CRACDL: variants seen among roughly 807,000 people sequenced by gnomAD.
CRACDL encodes the protein CRACD-like protein.
A neutral mutation model predicts 70.6 loss-of-function variants in CRACDL; 26 were observed. The observed-to-expected ratio is 0.37, with a 90% CI of 0.27 to 0.51. The LOEUF is 0.51. Among genes scored for constraint, CRACDL ranks in the 20% least tolerant of loss-of-function variants. The pLI is 0.94. For synonymous variants in CRACDL, 618 were observed against 615.2 expected (o/e 1.00, Z -0.07); for missense variants, 1,283 against 1,376.9 (o/e 0.93, Z 1.08).
chr2:98,857,833 ATGTATG>A (rs1558605264), intron 1 of CRACDL, among the ~76,000 whole-genome samples: 1 of 152,168 alleles, frequency 6.6e-6, no homozygotes, highest in African/African-American at 2.4e-5. Context: ...GTGTGTATGT[ATGTATG>A]TGTATGTGTA....
intron 7 of CRACDL, among the ~76,000 whole-genome samples, chr2:98,804,154 T>C (rs546488921): frequency 6.6e-6 from 1 of 152,316 alleles, no homozygotes; most frequent in South Asian, 2.1e-4. Flanking sequence ...CTCAGGGTGG[T>C]AATGCTCAAC....
At chr2:98,877,448 A>G (rs1707514187) in intron 1 of CRACDL, among the ~76,000 whole-genome samples, 1 of 152,196 alleles carries the variant, frequency 6.6e-6, no homozygotes, top group African/African-American at 2.4e-5. Context: ...ATCATAGTGC[A>G]ATTAGTTTTA....
chr2:98,902,995 G>A (rs1268684645), intron 1 of CRACDL, among the ~76,000 whole-genome samples: 1 of 151,980 alleles, frequency 6.6e-6, no homozygotes, highest in African/African-American at 2.4e-5. Context: ...TTCCCCTTGG[G>A]GTGCACCCCC....
chr2:98,927,501 GAA>G lies in CRACDL; in HGVS notation c.-11+8435_-11+8436del, dbSNP rs11334026. Among the ~76,000 whole-genome samples the G allele has an allele frequency of 2.5e-4, 35 of 138,120 alleles. No individual in the cohort carries two copies. The South Asian group carries it at 3.0e-3, about 12-fold the overall frequency. The allele number at this position is 138,120 out of a possible 152,430, so 90.6% of individuals were successfully genotyped here. A position where few individuals can be genotyped will look rare whatever the true frequency, so the allele number is the denominator to read the frequency against. On this transcript the variant is annotated intron_variant, in intron 1 of 9. Transcript: ENST00000397899. ...TCTTGGTAAAGACTCATCTCTTGGG[GAA>G]AAAAAAAAAAAAAACTTGGTGTGAA...
Position 98,822,575 on chromosome 2 carries a change from G to A in CRACDL, c.1698C>T (p.Ala566=). ...APERKAERGG[A]ELRGAKKFSV... ...AGAACTTCTTCGCGCCTCGCAGCTC[G>A]GCACCGCCCCTCTCCGCCTTCCGCT... Residue 566 remains alanine, a synonymous_variant, in exon 7 of 10, where the codon GCC becomes GCT. Transcript: ENST00000397899. The surrounding 1 kb of genome is among the most constrained non-coding windows in gnomAD (Gnocchi z 4.9). The A allele has an allele frequency of 6.9e-7, 1 of 1,454,304 alleles. No individual in the cohort carries two copies. The highest frequency in any genetic ancestry group is 1.3e-5 in the South Asian group (1 of 75,312). The allele number at this position is 1,454,304 out of a possible 1,614,324, so 90.1% of individuals were successfully genotyped here.
chr2:98,905,416 C>A (rs1708386960), intron 1 of CRACDL, among the ~76,000 whole-genome samples: 1 of 152,168 alleles, frequency 6.6e-6, no homozygotes, highest in Admixed American at 6.5e-5. Context: ...TCTGCAGAAC[C>A]ATGAGTCAAA....
rs1001053916 is a variant in CRACDL at position 98,838,222 on chromosome 2, G to A, written c.136C>T (p.Pro46Ser). Residue 46 changes from proline to serine, a missense_variant, in exon 3 of 10, where the codon CCG becomes TCG. Physicochemically the swap from Pro to Ser is moderately conservative, Grantham distance 74 (BLOSUM62 -1). Around this residue, in one of 2 missense-constraint regions of CRACDL, gnomAD observed 362 missense variants for 495.0 expected, o/e 0.73. Coordinates refer to ENST00000397899, the MANE Select transcript of CRACDL (RefSeq NM_207362.3). ...FFGKKKRKES[P>S]SSTGSSTWKQ... ...CAGGTGCTACTTCCTGTGGACGACG[G>A]CGATTCTTTTCTCTTCTTCTTCCCA... 3.1e-6 allele frequency: 5 copies of A among 1,613,506 alleles called. No individual in the cohort carries two copies. Among genetic ancestry groups the A allele is most frequent in the Non-Finnish European group, 4.2e-6 (5 of 1,179,690 alleles).
chr2:98,821,812 A>C (rs1183791092), intron 7 of CRACDL, 45 bp downstream of exon 7: 1 of 1,587,548 alleles, frequency 6.3e-7, no homozygotes. Flanking sequence ...GTGGATGTGG[A>C]TCTCCCCAGG....
intron 1 of CRACDL, among the ~76,000 whole-genome samples, chr2:98,887,299 A>G (rs1319838205): frequency 1.3e-5 from 2 of 152,158 alleles, no homozygotes; most frequent in African/African-American, 4.8e-5. Flanking sequence ...AGCTTGGGCA[A>G]CATAGCAAGG....
rs915142263 is a variant in CRACDL, at chr2:98,882,776, G to A, written c.-10-35966C>T. ...GATTCCACACGGAATGCTTTGTTTGGTTCCATTTTTAGATCTGTAGAACAA... is the reference window on the plus strand; with the variant it reads ...GATTCCACACGGAATGCTTTGTTTGATTCCATTTTTAGATCTGTAGAACAA... On this transcript the variant is annotated intron_variant, in intron 1 of 9. Transcript: ENST00000397899. Among the ~76,000 whole-genome samples, 25 of 152,182 alleles carry A rather than the reference G, an allele frequency of 1.6e-4. 1 individual carries two copies. Among genetic ancestry groups the A allele is most frequent in the African/African-American group, 5.5e-4 (23 of 41,448 alleles).
At chr2:98,870,835 C>T (rs2104596967) in intron 1 of CRACDL, among the ~76,000 whole-genome samples, 1 of 152,358 alleles carries the variant, frequency 6.6e-6, no homozygotes, top group Middle Eastern at 3.4e-3. Flanking sequence ...GGAGCCTCTT[C>T]AGCACTCTGT....
chr2:98,833,073 A>C, intron 3 of CRACDL, 76 bp from the exon 4 acceptor site: 1 of 1,371,736 alleles, frequency 7.3e-7, no homozygotes, highest in Non-Finnish European at 1.0e-6. Context: ...AATGAGAAAG[A>C]GGGATGTGAG....
At chr2:98,805,601 CCT>C (rs1559202207) in intron 7 of CRACDL, among the ~76,000 whole-genome samples, 1 of 152,196 alleles carries the variant, frequency 6.6e-6, no homozygotes, top group African/African-American at 2.4e-5. Flanking sequence ...TGCTCCACTT[CCT>C]CTCCTAAGTG....
In CRACDL at chr2:98,794,423, G is replaced by T; in HGVS notation, c.*109C>A. 3 of 1,041,738 alleles carry T rather than the reference G, an allele frequency of 2.9e-6. No homozygotes were observed. In the South Asian group the frequency reaches 4.7e-5, roughly 16 times the overall value. The allele number at this position is 1,041,738 out of a possible 1,614,324, so 64.5% of individuals were successfully genotyped here. On this transcript the variant is annotated 3_prime_UTR_variant, in exon 10 of 10. Coordinates refer to ENST00000397899, the MANE Select transcript of CRACDL (RefSeq NM_207362.3). ...TTCCCCAAGTTCGTCATAACTTGAT[G>T]ATAAAATCAATCTTTAAGTTTCACA...
At chr2:98,843,352 T>C (rs1238411195) in intron 2 of CRACDL, among the ~76,000 whole-genome samples, 1 of 152,208 alleles carries the variant, frequency 6.6e-6, no homozygotes, top group Admixed American at 6.5e-5. Flanking sequence ...GACTTGTCTT[T>C]TCATTTTCTT....
intron 1 of CRACDL, among the ~76,000 whole-genome samples, chr2:98,890,529 G>A (rs1707934374): frequency 6.6e-6 from 1 of 152,184 alleles, no homozygotes; most frequent in South Asian, 2.1e-4. Flanking sequence ...GAAAAGCCAA[G>A]GCTCAGGTGG....
At position 98,827,016 on chromosome 2, in the gene CRACDL, G is replaced by T; in HGVS notation, c.694C>A (p.Pro232Thr). 1 of 1,614,004 alleles carries T rather than the reference G, an allele frequency of 6.2e-7. No individual in the cohort carries two copies. The highest frequency in any genetic ancestry group is 8.5e-7 in the Non-Finnish European group (1 of 1,179,954). ...SAAKHKLQVK[P>T]RNQRSSKMRR... ...ATCTTACTCGACCGCTGGTTGCGGGGCTTGACCTGGAGCTTGTGCTTAGCT... is the reference window on the plus strand; with the variant it reads ...ATCTTACTCGACCGCTGGTTGCGGGTCTTGACCTGGAGCTTGTGCTTAGCT... Residue 232 changes from proline (P) to threonine (T), a missense_variant, in exon 6 of 10, where the codon CCC (proline) becomes ACC (threonine). Pro to Thr is a conservative substitution (Grantham distance 38). Transcript: ENST00000397899.
intron 1 of CRACDL, among the ~76,000 whole-genome samples, chr2:98,921,498 C>T (rs1001277026): frequency 6.6e-6 from 1 of 152,212 alleles, no homozygotes; most frequent in Admixed American, 6.5e-5. Flanking sequence ...GAATTCTTGC[C>T]CCCATTTACA....
chr2:98,921,288 C>T (rs1001737867), intron 1 of CRACDL, among the ~76,000 whole-genome samples: 7 of 152,214 alleles, frequency 4.6e-5, no homozygotes, highest in Non-Finnish European at 7.3e-5. Flanking sequence ...TGGCAGGGCG[C>T]GGCAGGGCAG....
Sources: gnomAD v4.1 joint callset for allele counts (sites outside exome capture counted in the v4.1 genomes callset) on GRCh38, gnomAD v4.1.1 for gene constraint, gnomAD v4.1.1 regional missense constraint, Gnocchi (gnomAD v3.1) non-coding constraint, MANE v1.5 for transcripts, NCBI Gene and HGNC (gene_info 2026-07-23, HGNC 2026-07-21) for gene names.